The following FN1 variants were observed in gnomAD, a reference collection of about 807,000 sequenced individuals.
FN1 encodes the protein fibronectin.
FN1 carries 106 observed loss-of-function variants against 297.3 expected under a neutral mutation model. That is an observed-to-expected ratio of 0.36 (90% CI 0.30 to 0.42). The LOEUF (loss-of-function observed/expected upper bound fraction) is 0.42, where lower values mean the gene tolerates loss of function less well. Ranked by LOEUF, FN1 falls within the 10% of genes least tolerant of loss-of-function variation. The pLI is 1.00. For missense variants in FN1, 2,690 were observed against 3,124.9 expected, an observed-to-expected ratio of 0.86 and a Z score of 3.32; for synonymous variants, 1,149 against 1,152.6, an observed-to-expected ratio of 1.00 and a Z score of 0.06.
chr2:215,394,855 T>C (rs935689666), intron 23 of FN1, 136 bp from the exon 24 acceptor site: 2 of 705,188 alleles, frequency 2.8e-6, no homozygotes, highest in African/African-American at 1.8e-5. Context: ...GTCACTGTTA[T>C]TCAATGCTTG....
intron 28 of FN1, among the ~76,000 whole-genome samples, chr2:215,386,023 G>A (rs182451103): frequency 0.014 from 2,062 of 149,314 alleles, 49 homozygotes; most frequent in African/African-American, 0.047. Flanking sequence ...TGATCCACCC[G>A]CCTTGGCCTC....
Position 215,380,802 on chromosome 2 carries a change from A to T in FN1, c.5434+9T>A, listed in dbSNP as rs778726420. 1 of 1,612,406 alleles carries T rather than the reference A, an allele frequency of 6.2e-7. No individual in the cohort carries two copies. The highest frequency in any genetic ancestry group is 1.1e-5 in the South Asian group (1 of 90,996). On this transcript the variant is annotated intron_variant, in intron 33 of 45. Transcript: ENST00000354785. The stretch of plus-strand genomic sequence containing the variant: ...CCATGGGCACCTGGTGGTGCAATTA[A>T]CCATATACCTGTGGACTGGGTTCCA...
At chr2:215,402,169 G>A (rs1352714965) in intron 20 of FN1, among the ~76,000 whole-genome samples, 1 of 152,088 alleles carries the variant, frequency 6.6e-6, no homozygotes, top group Non-Finnish European at 1.5e-5. Flanking sequence ...ACTGTCCTGG[G>A]CTTTAAGACT....
At position 215,375,036 on chromosome 2, in the gene FN1, A is replaced by G. The variant is rs10201850; in HGVS notation, c.6157+178T>C. ...CTTGAAATTGCATTTTCCTTCACTC[A>G]TGCCTTTTGGGATGTATTAGGCTCT... On this transcript the variant is annotated intron_variant, in intron 38 of 45. Coordinates refer to ENST00000354785, the MANE Select transcript of FN1 (RefSeq NM_212482.4). Among the ~76,000 whole-genome samples, 30,700 of 152,168 alleles carry G rather than the reference A, an allele frequency of 0.2. 3,355 individuals carry two copies. The highest frequency in any genetic ancestry group is 0.24 in the Non-Finnish European group (16,514 of 68,000).
chr2:215,383,217 A>T, intron 31 of FN1, 111 bp downstream of exon 31: 1 of 1,071,584 alleles, frequency 9.3e-7, no homozygotes, highest in Non-Finnish European at 1.4e-6. Flanking sequence ...CATATTGGCC[A>T]GGCTGGTCTC....
Position 215,436,022 on chromosome 2 carries a change from G to A in FN1, c.-220C>T, listed in dbSNP as rs2067418935. On this transcript the variant is annotated 5_prime_UTR_variant, in exon 1 of 46. Transcript: ENST00000354785. The stretch of plus-strand genomic sequence containing the variant: ...CTGCAGGTCCCCTCTTCCCGCTCGC[G>A]CCTGGGGTTCCCTCTCCTCCCCCTG... 2 of 1,033,502 alleles carry A rather than the reference G, an allele frequency of 1.9e-6. No homozygotes were observed. The highest frequency in any genetic ancestry group is 2.7e-6 in the Non-Finnish European group (2 of 741,486). 64.0% of individuals were successfully genotyped at this position (1,033,502 alleles called of 1,614,324 possible).
intron 25 of FN1, chr2:215,392,514 TAG>T: frequency 4.0e-6 from 1 of 248,090 alleles, no homozygotes. Context: ...AGGAGCATGG[TAG>T]AGTTTATCAA....
At chr2:215,364,791 T>C (rs1021138286) in intron 44 of FN1, 88 bp downstream of exon 44, 28 of 853,428 alleles carry the variant, frequency 3.3e-5, no homozygotes, top group Non-Finnish European at 5.0e-5. Context: ...GAAGGGTCTC[T>C]GCCCCTCCTG....
chr2:215,395,655 C>T (rs550287248), intron 23 of FN1, among the ~76,000 whole-genome samples: 2 of 152,146 alleles, frequency 1.3e-5, no homozygotes, highest in Admixed American at 6.6e-5. Flanking sequence ...CAAATAAAAA[C>T]AGTGATGACT....
At chr2:215,412,277 T>C (rs894582914) in intron 13 of FN1, among the ~76,000 whole-genome samples, 1 of 151,862 alleles carries the variant, frequency 6.6e-6, no homozygotes, top group African/African-American at 2.4e-5. Flanking sequence ...ATTGAGCCAA[T>C]GAGAAAGACA....
chr2:215,385,470 G>T (rs1436676031), intron 28 of FN1, among the ~76,000 whole-genome samples: 1 of 150,194 alleles, frequency 6.7e-6, no homozygotes, highest in Non-Finnish European at 1.5e-5. Context: ...GCTGAGGCAA[G>T]AGAATTGCTC....
intron 5 of FN1, among the ~76,000 whole-genome samples, chr2:215,429,196 A>G (rs1028706290): frequency 5.3e-5 from 8 of 152,198 alleles, no homozygotes; most frequent in Non-Finnish European, 1.2e-4. Context: ...AATTTCTTTG[A>G]CTAAAATATT....
chr2:215,404,791 A>C, intron 19 of FN1, 136 bp from the exon 20 acceptor site: 2 of 828,806 alleles, frequency 2.4e-6, no homozygotes, highest in Non-Finnish European at 3.9e-6. Flanking sequence ...CCCTGGAAAA[A>C]CTGAGCCAGT....
intron 42 of FN1, 42 bp from the exon 43 acceptor site, chr2:215,365,672 T>C (rs201093422): frequency 6.2e-7 from 1 of 1,608,036 alleles, no homozygotes; most frequent in East Asian, 2.2e-5. Flanking sequence ...GTTATTTGTA[T>C]ATTCTGACTC....
chr2:215,365,619 C>T lies in FN1; in HGVS notation c.7030G>A (p.Asp2344Asn). The T allele has an allele frequency of 6.2e-7, 1 of 1,613,944 alleles. No homozygotes were observed. Among genetic ancestry groups the T allele is most frequent in the South Asian group, 1.1e-5 (1 of 91,058 alleles). Residue 2344 changes from aspartate to asparagine, a missense_variant, in exon 43 of 46, where the codon GAC (aspartate) becomes AAC (asparagine). This residue lies in a region of FN1 where 1,743 missense variants were observed against 1,945.2 expected (regional missense o/e 0.90). Transcript: ENST00000354785. ...FRCDSSRWCH[D>N]NGVNYKIGEK... ...CCAATCTTGTAGTTCACACCATTGTCATGGCACCATCCTGTAGGGGTGGGG... is the reference window on the plus strand; with the variant it reads ...CCAATCTTGTAGTTCACACCATTGTTATGGCACCATCCTGTAGGGGTGGGG...
In FN1 at chr2:215,414,951, A is replaced by G. The variant is rs2063230734; in HGVS notation, c.1827T>C (p.Ser609=). ...CAGTGATAAATACTTCGACAGGACC[A>G]CTTGAGCCTGAAAATGAAAATGTAG... ...CQPLQTYPSS[S]GPVEVFITET... The change falls in exon 13 of 46, where the codon AGT becomes AGC. Residue 609 remains serine, a synonymous_variant. Transcript: ENST00000354785. 6.2e-7 allele frequency: 1 copy of G among 1,613,464 alleles called. No individual in the cohort carries two copies. Among genetic ancestry groups the G allele is most frequent in the Non-Finnish European group, 8.5e-7 (1 of 1,179,468 alleles).
At chr2:215,391,271 G>A (rs2059673291) in intron 26 of FN1, among the ~76,000 whole-genome samples, 1 of 152,094 alleles carries the variant, frequency 6.6e-6, no homozygotes, top group Non-Finnish European at 1.5e-5. Flanking sequence ...AGCACATATG[G>A]TGACACTATT....
rs1481285239 is a variant in FN1 at position 215,433,502 on chromosome 2, A to T, written c.278-41T>A. The T allele has an allele frequency of 5.0e-6, 8 of 1,597,484 alleles. No individual in the cohort carries two copies. The African/African-American group carries it at 1.1e-4, about 21-fold the overall frequency. ...AAGTCCATGTGAGCCTCACTTAGGTACAAGCTTTTCTAGTTCACTAATCCC... is the reference window on the plus strand; with the variant it reads ...AAGTCCATGTGAGCCTCACTTAGGTTCAAGCTTTTCTAGTTCACTAATCCC... On this transcript the variant is annotated intron_variant, in intron 2 of 45. Transcript: ENST00000354785.
intron 6 of FN1, among the ~76,000 whole-genome samples, chr2:215,427,747 A>ACAAC (rs1439384854): frequency 6.6e-6 from 1 of 152,234 alleles, no homozygotes; most frequent in Non-Finnish European, 1.5e-5. Context: ...AAACAAACAA[A>ACAAC]AAATCCAAAT....
Sources: gnomAD v4.1 joint callset for allele counts (sites outside exome capture counted in the v4.1 genomes callset) on GRCh38, gnomAD v4.1.1 for gene constraint, gnomAD v4.1.1 regional missense constraint, MANE v1.5 for transcripts, NCBI Gene and HGNC (gene_info 2026-07-23, HGNC 2026-07-21) for gene names.